The following NRG1 variants were observed in gnomAD, a reference collection of about 807,000 sequenced individuals.
NRG1 encodes the protein pro-neuregulin-1, membrane-bound isoform.
A neutral mutation model predicts 63.8 loss-of-function variants in NRG1; 18 were observed. The ratio of observed to expected loss-of-function variants is 0.28; its 90% CI spans 0.19 to 0.42. NRG1 has a LOEUF of 0.42. Among genes scored for constraint, NRG1 ranks in the 10% least tolerant of loss-of-function variants. NRG1 has a pLI of 1.00. For missense variants in NRG1, 762 were observed against 814.7 expected (o/e 0.94, Z 0.79); for synonymous variants, 302 against 301.3 (o/e 1.00, Z -0.02).
chr8:32,526,447 C>T (rs1040385513), intron 1 of NRG1, among the ~76,000 whole-genome samples: 2 of 152,150 alleles, frequency 1.3e-5, no homozygotes, highest in South Asian at 2.1e-4. Flanking sequence ...ATCATGTTTG[C>T]CACATTCTAT....
intron 1 of NRG1, among the ~76,000 whole-genome samples, chr8:32,191,381 A>G (rs577534809): frequency 1.4e-4 from 22 of 152,244 alleles, no homozygotes; most frequent in Admixed American, 7.2e-4. Flanking sequence ...CACCTGGCCC[A>G]AAGTTATTAG....
chr8:32,509,074 C>T (rs1828872184), intron 1 of NRG1, among the ~76,000 whole-genome samples: 1 of 99,120 alleles, frequency 1.0e-5, no homozygotes, highest in African/African-American at 4.0e-5. Context: ...TTTTTCTTTT[C>T]CTATTTTATT....
At chr8:32,653,333 C>A (rs2129547890) in intron 5 of NRG1, among the ~76,000 whole-genome samples, 1 of 152,244 alleles carries the variant, frequency 6.6e-6, no homozygotes, top group East Asian at 1.9e-4. Flanking sequence ...TATACATATA[C>A]CCTCTTCATT....
intron 1 of NRG1, among the ~76,000 whole-genome samples, chr8:32,141,675 C>A (rs1836299160): frequency 7.0e-6 from 1 of 143,140 alleles, no homozygotes; most frequent in South Asian, 2.3e-4. Context: ...AAAATATTCA[C>A]AACTTTTCAC....
At chr8:32,202,540 A>G (rs1843600888) in intron 1 of NRG1, among the ~76,000 whole-genome samples, 2 of 152,136 alleles carry the variant, frequency 1.3e-5, no homozygotes, top group South Asian at 4.1e-4. Flanking sequence ...TGGGGTTCCC[A>G]TACCCAGTGT....
At chr8:32,770,155 C>G (rs1029434593), downstream of NRG1, among the ~76,000 whole-genome samples, 1 of 152,100 alleles carries the variant, frequency 6.6e-6, no homozygotes, top group African/African-American at 2.4e-5. Context: ...AAAGAATTAC[C>G]TCTGTAGATT....
rs150525241 is a variant in NRG1, at chr8:32,398,534, C to A, written c.38-197294C>A. ...CGAGCGATTTTCCTGCCTCAGCCTC[C>A]CGAGTAGCTGGGATTACAAGTGCCC... On this transcript the variant is annotated intron_variant, in intron 1 of 10. Transcript: ENST00000519301. Among the ~76,000 whole-genome samples the A allele has an allele frequency of 5.2e-3, 798 of 152,136 alleles. 7 individuals are homozygous for A. Among genetic ancestry groups the A allele is most frequent in the African/African-American group, 0.018 (758 of 41,492 alleles).
intron 1 of NRG1, among the ~76,000 whole-genome samples, chr8:32,263,031 T>C (rs1850555341): frequency 6.6e-6 from 1 of 152,178 alleles, no homozygotes; most frequent in South Asian, 2.1e-4. Flanking sequence ...TAATTGGCTA[T>C]GTATAAAATA....
chr8:31,842,872 C>T (rs530605799), intron 1 of NRG1, among the ~76,000 whole-genome samples: 1 of 152,154 alleles, frequency 6.6e-6, no homozygotes, highest in African/African-American at 2.4e-5. Flanking sequence ...GTTTTACCCT[C>T]TAATTTCTTG....
intron 1 of NRG1, among the ~76,000 whole-genome samples, chr8:32,349,780 G>A (rs1002066433): frequency 6.6e-6 from 1 of 152,118 alleles, no homozygotes; most frequent in African/African-American, 2.4e-5. Context: ...TCTATGGTAG[G>A]CTCCTGGTCA....
chr8:31,852,641 T>C (rs568119913), intron 1 of NRG1, among the ~76,000 whole-genome samples: 179 of 151,766 alleles, frequency 1.2e-3, no homozygotes, highest in Non-Finnish European at 1.6e-3. Flanking sequence ...ATTTTGGCTT[T>C]TGTTGCCATT....
intron 2 of NRG1, among the ~76,000 whole-genome samples, chr8:32,598,595 A>C (rs1176385545): frequency 1.3e-5 from 2 of 151,820 alleles, no homozygotes; most frequent in African/African-American, 4.9e-5. Flanking sequence ...ACTTCTTTTA[A>C]ACAATAGTCT....
intron 5 of NRG1, among the ~76,000 whole-genome samples, chr8:32,671,209 G>A (rs2128894702): frequency 6.6e-6 from 1 of 151,648 alleles, no homozygotes; most frequent in East Asian, 1.9e-4. Context: ...GATGTTGGAA[G>A]GAGCTCAGTG....
intron 1 of NRG1, among the ~76,000 whole-genome samples, chr8:32,123,125 C>T (rs1034011604): frequency 2.6e-5 from 4 of 151,934 alleles, no homozygotes; most frequent in Admixed American, 1.3e-4. Flanking sequence ...TGATCAGATT[C>T]ACAGTGATTC....
chr8:32,515,402 C>G (rs745948284), intron 1 of NRG1, among the ~76,000 whole-genome samples: 1 of 151,996 alleles, frequency 6.6e-6, no homozygotes, highest in Non-Finnish European at 1.5e-5. Context: ...GCTTGTATGT[C>G]TTCTTTTGAG....
intron 1 of NRG1, among the ~76,000 whole-genome samples, chr8:31,875,335 G>A (rs1829829288): frequency 6.6e-6 from 1 of 152,136 alleles, no homozygotes; most frequent in Admixed American, 6.5e-5. Flanking sequence ...TCTCCAGACT[G>A]GGCAGGGAGT....
At chr8:31,778,715 C>A (rs1273805726) in intron 1 of NRG1, among the ~76,000 whole-genome samples, 1 of 152,184 alleles carries the variant, frequency 6.6e-6, no homozygotes, top group Non-Finnish European at 1.5e-5. Context: ...TCCATTTAAT[C>A]CTCTCCATGA....
chr8:31,977,317 T>C (rs1427103167), intron 1 of NRG1, among the ~76,000 whole-genome samples: 1 of 152,152 alleles, frequency 6.6e-6, no homozygotes, highest in African/African-American at 2.4e-5. Flanking sequence ...TCTCTTTTGT[T>C]TGTGGTAGAA....
At chr8:32,147,089 A>G (rs1165881778) in intron 1 of NRG1, among the ~76,000 whole-genome samples, 1 of 152,194 alleles carries the variant, frequency 6.6e-6, no homozygotes, top group Admixed American at 6.5e-5. Flanking sequence ...TCTTTAGATC[A>G]TCAGTATCCA....
Sources: allele counts gnomAD v4.1 joint callset (sites outside exome capture counted in the v4.1 genomes callset), GRCh38; gene constraint gnomAD v4.1.1; transcripts MANE v1.5; gene names NCBI Gene and HGNC (gene_info 2026-07-23, HGNC 2026-07-21).